MACF1: variants seen among roughly 807,000 people sequenced by gnomAD.
MACF1 encodes microtubule actin crosslinking factor 1.
Under a neutral mutation model 854.8 loss-of-function variants are expected in MACF1, and 193 were observed. That is an observed-to-expected ratio of 0.23 (90% CI 0.20 to 0.25). The LOEUF is 0.25. MACF1 is among the 10% of genes least tolerant of loss of function. The probability of loss-of-function intolerance (pLI) is 1.00; values close to 1 mark genes in which losing one functional copy is unlikely to be tolerated. For missense variants in MACF1, 7,722 were observed against 8,929.1 expected, an observed-to-expected ratio of 0.86 and a Z score of 5.45; for synonymous variants, 3,185 against 3,226.7, an observed-to-expected ratio of 0.99 and a Z score of 0.44.
intron 55 of MACF1, among the ~76,000 whole-genome samples, chr1:39,381,383 G>C (rs1345362229): frequency 3.5e-5 from 5 of 142,586 alleles, no homozygotes; most frequent in East Asian, 2.0e-4. Flanking sequence ...TTTTTTGGGG[G>C]GGGGGACAGG....
At chr1:39,298,002 T>G (rs1049268591) in intron 21 of MACF1, among the ~76,000 whole-genome samples, 1 of 152,322 alleles carries the variant, frequency 6.6e-6, no homozygotes, top group South Asian at 2.1e-4. Flanking sequence ...TCTGAGCCAC[T>G]TTGAGCTCAT....
Position 39,486,105 on chromosome 1 carries a change from C to T in MACF1, c.*311C>T, listed in dbSNP as rs746608281. ...AAAGCCTATTAATAGGGTTTCTGCG[C>T]GGTGCAGGGTTGTAAACCTGCTTTA... On this transcript the variant is annotated 3_prime_UTR_variant, in exon 101 of 101. Transcript: ENST00000564288. The T allele has an allele frequency of 4.9e-5, 10 of 204,918 alleles. No homozygotes were observed. Among genetic ancestry groups the T allele is most frequent in the East Asian group, 2.2e-4 (2 of 8,982 alleles). The allele number at this position is 204,918 out of a possible 1,614,324, so 12.7% of individuals were successfully genotyped here. A position where few individuals can be genotyped will look rare whatever the true frequency, so the allele number is the denominator to read the frequency against.
intron 94 of MACF1, 33 bp from the exon 95 acceptor site, chr1:39,465,062 T>C: frequency 6.2e-7 from 1 of 1,603,430 alleles, no homozygotes; most frequent in East Asian, 2.2e-5. Context: ...TTTCCCCTCC[T>C]TTCCTCCATC....
chr1:39,162,308 G>A (rs912000778), intron 2 of MACF1, among the ~76,000 whole-genome samples: 4 of 152,040 alleles, frequency 2.6e-5, no homozygotes, highest in African/African-American at 4.8e-5. Flanking sequence ...GGCCTCTGTC[G>A]CTTAAGTAAA....
rs1003771757 is a variant in MACF1, at chr1:39,450,932, C to A, written c.20259-120C>A. ...GGCCTTTACTGTATTTCTAACTGTT[C>A]TAACATAGAAGTCACTCTCTATATA... On this transcript the variant is annotated intron_variant, in intron 84 of 100. Coordinates refer to ENST00000564288, the MANE Select transcript of MACF1 (RefSeq NM_001394062.1). 2.6e-6 allele frequency: 3 copies of A among 1,174,284 alleles called. No homozygotes were observed. The Middle Eastern group carries it at 6.4e-4, about 250-fold the overall frequency. The allele number at this position is 1,174,284 out of a possible 1,614,324, so 72.7% of individuals were successfully genotyped here.
chr1:39,131,151 CTTTTTTTTTTTTTTT>C (rs34762038), intron 2 of MACF1, among the ~76,000 whole-genome samples: 2 of 42,348 alleles, frequency 4.7e-5, no homozygotes, highest in Non-Finnish European at 7.8e-5. Context: ...TGCGCCCGGC[CTTTTTTTTTTTTTTT>C]TTTTTTTTTT....
chr1:39,210,173 G>A (rs1050974485), intron 1 of MACF1, among the ~76,000 whole-genome samples: 1 of 151,882 alleles, frequency 6.6e-6, no homozygotes. Flanking sequence ...AACCTTTTGA[G>A]ATTTCTTTGA....
intron 97 of MACF1, among the ~76,000 whole-genome samples, chr1:39,470,771 C>T (rs962595445): frequency 3.3e-5 from 5 of 152,182 alleles, no homozygotes; most frequent in African/African-American, 1.2e-4. Flanking sequence ...AGTAAAACAA[C>T]TTTATTCCTT....
Position 39,284,156 on chromosome 1 carries a change from A to T in MACF1, c.1006A>T (p.Thr336Ser), listed in dbSNP as rs1645602608. ...KQHTILMSDK[T>S]FPQNPVELKA... ...GCATACAATACTGATGTCAGATAAA[A>T]CTTTTCCCCAAAACCCTGTTGAACT... The change falls in exon 10 of 101, where the codon ACT becomes TCT. Residue 336 changes from threonine (T) to serine (S), a missense_variant. This residue lies in a region of MACF1 where 97 missense variants were observed against 130.4 expected (regional missense o/e 0.74). Transcript: ENST00000564288. The T allele has an allele frequency of 6.2e-7, 1 of 1,613,668 alleles. No individual in the cohort carries two copies. Among genetic ancestry groups the T allele is most frequent in the Admixed American group, 1.7e-5 (1 of 59,944 alleles).
chr1:39,376,827 C>T (rs964086349), intron 52 of MACF1, among the ~76,000 whole-genome samples: 3 of 151,920 alleles, frequency 2.0e-5, no homozygotes, highest in Non-Finnish European at 4.4e-5. Context: ...GCAATCAGCC[C>T]ACCTCAAGCT....
At chr1:39,250,239 G>T in intron 3 of MACF1, 136 bp downstream of exon 3, 1 of 508,968 alleles carries the variant, frequency 2.0e-6, no homozygotes. Context: ...GGAAATGTTG[G>T]GGGACTTTAT....
chr1:39,233,808 TATTGATAATTC>T (rs1644817882), intron 2 of MACF1, among the ~76,000 whole-genome samples: 20 of 65,754 alleles, frequency 3.0e-4, no homozygotes, highest in South Asian at 2.7e-3. Context: ...ATTTATTTTT[TATTGATAATTC>T]TTGGGTGTTT....
intron 1 of MACF1, among the ~76,000 whole-genome samples, chr1:39,226,342 ATTT>A (rs5773656): frequency 2.8e-5 from 4 of 142,162 alleles, no homozygotes; most frequent in Admixed American, 7.1e-5. Context: ...TATGGATAGT[ATTT>A]TTTTTTTTTT....
intron 6 of MACF1, among the ~76,000 whole-genome samples, chr1:39,265,104 G>A (rs1057372079): frequency 6.6e-6 from 1 of 152,206 alleles, no homozygotes; most frequent in Non-Finnish European, 1.5e-5. Context: ...ACCCTCAAAT[G>A]TTTGTTAAAT....
At chr1:39,111,371 TTTATTTA>T (rs1642399429) in intron 2 of MACF1, among the ~76,000 whole-genome samples, 1 of 150,878 alleles carries the variant, frequency 6.6e-6, no homozygotes, top group African/African-American at 2.4e-5. Flanking sequence ...AATTATTTTA[TTTATTTA>T]TTTATTTATT....
intron 72 of MACF1, among the ~76,000 whole-genome samples, chr1:39,439,886 G>A (rs578017552): frequency 6.6e-6 from 1 of 152,086 alleles, no homozygotes; most frequent in East Asian, 1.9e-4. Flanking sequence ...GATTACAGGC[G>A]TGAGCCACCA....
In MACF1 at chr1:39,442,211, T is replaced by C; in HGVS notation, c.18839T>C (p.Leu6280Pro). 6.2e-7 allele frequency: 1 copy of C among 1,607,888 alleles called. No homozygotes were observed. The highest frequency in any genetic ancestry group is 1.3e-5 in the African/African-American group (1 of 74,488). The change falls in exon 76 of 101, where the codon CTG (leucine) becomes CCG (proline). Residue 6280 changes from leucine to proline, a missense_variant. Around this residue, in one of 15 missense-constraint regions of MACF1, gnomAD observed 2,807 missense variants for 3,235.8 expected, o/e 0.87. Coordinates refer to ENST00000564288, the MANE Select transcript of MACF1 (RefSeq NM_001394062.1). ...GAGAAGCTTAATCACCAGGGTGAACTGATGTTAAAGAAAGCTACTGATGAG... is the reference window on the plus strand; with the variant it reads ...GAGAAGCTTAATCACCAGGGTGAACCGATGTTAAAGAAAGCTACTGATGAG... The part of the protein sequence containing the change: ...EMEKLNHQGE[L>P]MLKKATDETD...
At chr1:39,137,219 A>AGTG (rs1643199371) in intron 2 of MACF1, among the ~76,000 whole-genome samples, 1 of 152,174 alleles carries the variant, frequency 6.6e-6, no homozygotes, top group Non-Finnish European at 1.5e-5. Flanking sequence ...ACAGATGTAC[A>AGTG]CCACCACGCC....
At position 39,459,177 on chromosome 1, in the gene MACF1, C is replaced by A; in HGVS notation, c.21288C>A (p.Arg7096=). 1 of 1,614,190 alleles carries A rather than the reference C, an allele frequency of 6.2e-7. No individual in the cohort carries two copies. The highest frequency in any genetic ancestry group is 8.5e-7 in the Non-Finnish European group (1 of 1,180,016). The change falls in exon 91 of 101, where the codon CGC becomes CGA. Residue 7096 remains arginine, a synonymous_variant. Coordinates refer to ENST00000564288, the MANE Select transcript of MACF1 (RefSeq NM_001394062.1). The stretch of plus-strand genomic sequence containing the variant: ...CACGGATCAACCAGCTTTCTGCCCG[C>A]TGGCAGCAGGTGTGGCTGTTAGCAC... ...KNPRINQLSA[R]WQQVWLLALE...
Sources: allele counts gnomAD v4.1 joint callset (sites outside exome capture counted in the v4.1 genomes callset), GRCh38; gene constraint gnomAD v4.1.1; regional missense constraint gnomAD v4.1.1; transcripts MANE v1.5; gene names NCBI Gene and HGNC (gene_info 2026-07-23, HGNC 2026-07-21).